BUB1B: variants seen among roughly 807,000 people sequenced by gnomAD.
BUB1B encodes the protein BUB1 mitotic checkpoint serine/threonine kinase B.
A neutral mutation model predicts 137.7 loss-of-function variants in BUB1B; 86 were observed. The observed-to-expected ratio is 0.62, with a 90% CI of 0.52 to 0.75. BUB1B has a LOEUF of 0.75. Among genes scored for constraint, BUB1B ranks in the 30% least tolerant of loss-of-function variants. The pLI, the probability that BUB1B is intolerant of heterozygous loss-of-function variation, is 0.00. For synonymous variants in BUB1B, 420 were observed against 417.9 expected (o/e 1.00, Z -0.06); for missense variants, 1,130 against 1,236.9 (o/e 0.91, Z 1.30).
chr15:40,165,233 C>A (rs763444326), intron 2 of BUB1B, 37 bp downstream of exon 2: 1 of 1,613,612 alleles, frequency 6.2e-7, no homozygotes, highest in South Asian at 1.1e-5. Context: ...TGTCGTCATT[C>A]ATCCTAAATG....
intron 14 of BUB1B, among the ~76,000 whole-genome samples, chr15:40,205,202 G>A (rs899576927): frequency 3.4e-4 from 51 of 151,836 alleles, no homozygotes; most frequent in African/African-American, 1.0e-3. Flanking sequence ...CCAACTCAGC[G>A]TCCCAAAGTG....
chr15:40,200,875 T>A (rs1336369004), intron 11 of BUB1B, 56 bp from the exon 12 acceptor site: 1 of 1,482,630 alleles, frequency 6.7e-7, no homozygotes, highest in Non-Finnish European at 9.4e-7. Context: ...TTTTAAAAAT[T>A]AAACAGTTCT....
intron 7 of BUB1B, 57 bp downstream of exon 7, chr15:40,185,436 T>A: frequency 6.3e-7 from 1 of 1,595,516 alleles, no homozygotes; most frequent in Non-Finnish European, 8.6e-7. Flanking sequence ...ACATTTAGGG[T>A]AGAGAAGTAT....
At position 40,185,265 on chromosome 15, in the gene BUB1B, A is replaced by C. The variant is rs954842792; in HGVS notation, c.852A>C (p.Thr284=). The C allele has an allele frequency of 6.2e-7, 1 of 1,614,170 alleles. No homozygotes were observed. The highest frequency in any genetic ancestry group is 8.5e-7 in the Non-Finnish European group (1 of 1,180,000). ...VFDENADEAS[T]AELSKPTVQP... is the part of the protein sequence containing the mutation. Reference sequence around the variant, plus strand: ...ATGAAAATGCTGATGAGGCTTCTACAGCAGAGTTGTCTAAGCCTACAGTCC... The same window carrying C: ...ATGAAAATGCTGATGAGGCTTCTACCGCAGAGTTGTCTAAGCCTACAGTCC... The change falls in exon 7 of 23, where the codon ACA becomes ACC. Residue 284 remains threonine (T), a synonymous_variant. Coordinates refer to ENST00000287598, the MANE Select transcript of BUB1B (RefSeq NM_001211.6).
At chr15:40,207,331 C>G (rs1474948961) in intron 15 of BUB1B, among the ~76,000 whole-genome samples, 2 of 152,154 alleles carry the variant, frequency 1.3e-5, no homozygotes, top group African/African-American at 4.8e-5. Flanking sequence ...AGGCCAGATG[C>G]AGTGGCTCAC....
At chr15:40,169,807 T>C (rs572642047) in intron 2 of BUB1B, among the ~76,000 whole-genome samples, 1 of 151,990 alleles carries the variant, frequency 6.6e-6, no homozygotes, top group African/African-American at 2.4e-5. Context: ...GAGATGAGGT[T>C]TCACCATGTT....
chr15:40,180,068 C>T (rs987824106), intron 5 of BUB1B, among the ~76,000 whole-genome samples: 11 of 150,732 alleles, frequency 7.3e-5, no homozygotes, highest in South Asian at 2.1e-4. Context: ...CCTGAAGCTC[C>T]AAGTTCCCTT....
chr15:40,218,719 G>A (rs1214168642), intron 22 of BUB1B, among the ~76,000 whole-genome samples, 157 bp downstream of exon 22: 1 of 152,178 alleles, frequency 6.6e-6, no homozygotes, highest in Non-Finnish European at 1.5e-5. Context: ...AGAGCAGCTA[G>A]TGCAGGAAAA....
chr15:40,206,569 G>T, intron 15 of BUB1B, 111 bp downstream of exon 15: 9 of 1,353,112 alleles, frequency 6.7e-6, no homozygotes, highest in Non-Finnish European at 9.3e-6. Context: ...GCCAGGTACT[G>T]TGCTAAGTGC....
chr15:40,205,566 G>A (rs952744899), intron 14 of BUB1B, among the ~76,000 whole-genome samples: 3 of 152,140 alleles, frequency 2.0e-5, no homozygotes, highest in Non-Finnish European at 2.9e-5. Flanking sequence ...TAAGGATAAA[G>A]TAGTTTTAAA....
chr15:40,164,959 C>T, intron 1 of BUB1B, 94 bp from the exon 2 acceptor site: 5 of 1,487,644 alleles, frequency 3.4e-6, no homozygotes, highest in Non-Finnish European at 4.7e-6. Flanking sequence ...AACCCAAGAC[C>T]ATGAATAATC....
At chr15:40,166,639 A>C (rs571267812) in intron 2 of BUB1B, among the ~76,000 whole-genome samples, 2 of 152,194 alleles carry the variant, frequency 1.3e-5, no homozygotes, top group Admixed American at 6.5e-5. Context: ...CGCGCCCAGC[A>C]GTAGACATAA....
Position 40,185,610 on chromosome 15 carries a change from A to C in BUB1B, c.1026A>C (p.Pro342=). 6.2e-7 allele frequency: 1 copy of C among 1,614,140 alleles called. No homozygotes were observed. The highest frequency in any genetic ancestry group is 1.1e-5 in the South Asian group (1 of 91,086). The change falls in exon 8 of 23, where the codon CCA becomes CCC. Residue 342 remains proline (P), a synonymous_variant. Transcript: ENST00000287598. ...AVPAVLPSFT[P]YVEETARQPV... Reference sequence around the variant, plus strand: ...CCGCTGTGCTTCCCAGTTTCACTCCATATGTGGAAGAGACTGCACGACAGC... The same window carrying C: ...CCGCTGTGCTTCCCAGTTTCACTCCCTATGTGGAAGAGACTGCACGACAGC...
chr15:40,168,531 T>G (rs1024560263), intron 2 of BUB1B, among the ~76,000 whole-genome samples: 1 of 152,214 alleles, frequency 6.6e-6, no homozygotes, highest in Non-Finnish European at 1.5e-5. Context: ...TATTTCACAC[T>G]TTAATTGCCA....
At chr15:40,169,738 G>A (rs1394938743) in intron 2 of BUB1B, among the ~76,000 whole-genome samples, 4 of 148,100 alleles carry the variant, frequency 2.7e-5, no homozygotes, top group South Asian at 4.3e-4. Context: ...TCAGCCTCCC[G>A]AGTAGCTGGG....
chr15:40,220,147 G>T (rs916037139), intron 22 of BUB1B, among the ~76,000 whole-genome samples: 1 of 152,194 alleles, frequency 6.6e-6, no homozygotes, highest in African/African-American at 2.4e-5. Flanking sequence ...AGTTAGTTTA[G>T]TCAAGCTTAC....
At chr15:40,170,507 A>G in intron 3 of BUB1B, 30 bp from the exon 4 acceptor site, 1 of 1,611,526 alleles carries the variant, frequency 6.2e-7, no homozygotes, top group Non-Finnish European at 8.5e-7. Context: ...TCAATTTAAA[A>G]TGTGTTCTTA....
intron 5 of BUB1B, among the ~76,000 whole-genome samples, chr15:40,177,605 C>T (rs1595515093): frequency 6.6e-6 from 1 of 151,930 alleles, no homozygotes; most frequent in East Asian, 1.9e-4. Flanking sequence ...TTAGTGTTTA[C>T]CATGCTATCT....
intron 16 of BUB1B, 115 bp from the exon 17 acceptor site, chr15:40,209,520 A>G (rs1173820302): frequency 1.6e-6 from 2 of 1,225,064 alleles, no homozygotes; most frequent in East Asian, 2.3e-5. Context: ...TAGTTAAATT[A>G]ACAGTGCTGA....
Sources: gnomAD v4.1 joint callset for allele counts (sites outside exome capture counted in the v4.1 genomes callset) on GRCh38, gnomAD v4.1.1 for gene constraint, MANE v1.5 for transcripts, NCBI Gene and HGNC (gene_info 2026-07-23, HGNC 2026-07-21) for gene names.